The following TLR1 variants were observed in gnomAD, a reference collection of about 807,000 sequenced individuals.
TLR1 encodes toll like receptor 1, also known as toll-like receptor 1.
A neutral mutation model predicts 20.2 loss-of-function variants in TLR1; 19 were observed. The observed-to-expected ratio is 0.94, with a 90% CI of 0.66 to 1.38. TLR1 has a LOEUF of 1.38. TLR1 is among the 40% of genes most tolerant of loss of function. The pLI, the probability that TLR1 is intolerant of heterozygous loss-of-function variation, is 0.00. For synonymous variants in TLR1, 320 were observed against 334.5 expected (o/e 0.96, Z 0.47); for missense variants, 921 against 910.0 (o/e 1.01, Z -0.16).
At chr4:38,790,148 T>C (rs758164210), downstream of TLR1, among the ~76,000 whole-genome samples, 2 of 152,222 alleles carry the variant, frequency 1.3e-5, no homozygotes, top group Admixed American at 6.5e-5. Context: ...GACTTTGAGT[T>C]GTTGCTATCC....
chr4:38,792,501 G>A (rs1302425702), downstream of TLR1, among the ~76,000 whole-genome samples: 4 of 151,864 alleles, frequency 2.6e-5, no homozygotes, highest in South Asian at 2.1e-4. Context: ...CTGCAGCCTC[G>A]AATGCCTGGG....
Position 38,797,793 on chromosome 4 carries a change from T to C in TLR1, c.1039A>G (p.Ile347Val), listed in dbSNP as rs1726234381. Residue 347 changes from isoleucine to valine, a missense_variant, in exon 4 of 4, where the codon ATT becomes GTT. By Grantham distance (29) the Ile-to-Val change is conservative. Coordinates refer to ENST00000308979, the MANE Select transcript of TLR1 (RefSeq NM_003263.4). ...AAATCCAAATGCAGGAACGGGCTAA[T>C]TTTGGATGGGCAAAGCATGTGGACC... is the stretch of plus-strand genomic sequence containing the variant. ...RMVHMLCPSK[I>V]SPFLHLDFSN... 4 of 1,614,160 alleles carry C rather than the reference T, an allele frequency of 2.5e-6. No individual in the cohort carries two copies. The highest frequency in any genetic ancestry group is 3.4e-6 in the Non-Finnish European group (4 of 1,180,002).
chr4:38,791,971 T>C (rs554161280), downstream of TLR1, among the ~76,000 whole-genome samples: 1 of 152,324 alleles, frequency 6.6e-6, no homozygotes, highest in East Asian at 1.9e-4. Flanking sequence ...TTCCCCACTG[T>C]GTCTGCCACC....
chr4:38,798,443 G>T lies in TLR1; in HGVS notation c.389C>A (p.Pro130His). 5.6e-6 allele frequency: 9 copies of T among 1,613,900 alleles called. No individual in the cohort carries two copies. The highest frequency in any genetic ancestry group is 7.6e-6 in the Non-Finnish European group (9 of 1,179,856). The change falls in exon 4 of 4, where the codon CCT becomes CAT. Residue 130 changes from proline to histidine, a missense_variant. Pro to His is a moderately conservative substitution (Grantham distance 77). Coordinates refer to ENST00000308979, the MANE Select transcript of TLR1 (RefSeq NM_003263.4). Reference protein sequence around the residue: ...DLSFNAFDALPICKEFGNMSQ... With the variant: ...DLSFNAFDALHICKEFGNMSQ... ...CATATTGCCAAACTCTTTGCATATA[G>T]GCAGGGCATCAAATGCATTAAATGA...
In TLR1 at chr4:38,802,294, A is replaced by G. The variant is rs373930912; in HGVS notation, c.-159-1346T>C. ...GTCAGTCTCCTAATAGATAGAAAAC[A>G]CACCTGAAGCTGGTGGTTAGCAGAC... On this transcript the variant is annotated intron_variant, in intron 2 of 3. Transcript: ENST00000308979. Among the ~76,000 whole-genome samples, 245 of 152,302 alleles carry G rather than the reference A, an allele frequency of 1.6e-3. 1 individual carries two copies. Among genetic ancestry groups the G allele is most frequent in the African/African-American group, 5.4e-3 (226 of 41,572 alleles).
chr4:38,804,101 G>T lies in TLR1; in HGVS notation c.-160+205C>A, dbSNP rs763130117. On this transcript the variant is annotated intron_variant, in intron 2 of 3. Coordinates refer to ENST00000308979, the MANE Select transcript of TLR1 (RefSeq NM_003263.4). ...GACAGTTCAAGAACTGTTCTGCTTT[G>T]CTTTCTATGCGGTTTTGTGAACTCT... Among the ~76,000 whole-genome samples the T allele has an allele frequency of 6.6e-5, 10 of 152,316 alleles. No individual in the cohort carries two copies. The Middle Eastern group carries it at 0.01, about 155-fold the overall frequency.
chr4:38,801,851 C>G (rs1432293297), intron 2 of TLR1, among the ~76,000 whole-genome samples: 1 of 152,156 alleles, frequency 6.6e-6, no homozygotes, highest in Non-Finnish European at 1.5e-5. Flanking sequence ...GAGAGGGGCC[C>G]CCCAACCAGG....
In TLR1 at chr4:38,796,555, G is replaced by T; in HGVS notation, c.2277C>A (p.Pro759=). The change falls in exon 4 of 4, where the codon CCC becomes CCA. Residue 759 remains proline, a synonymous_variant. Transcript: ENST00000308979. The part of the protein sequence containing the change: ...LMARRTYLEW[P]KEKSKRGLFW... ...AAAGGCCACGTTTGCTCTTTTCCTT[G>T]GGCCATTCCAAATAAGTCCTCCTGG... is the stretch of plus-strand genomic sequence containing the variant. 1 of 1,614,126 alleles carries T rather than the reference G, an allele frequency of 6.2e-7. No individual in the cohort carries two copies. Among genetic ancestry groups the T allele is most frequent in the Admixed American group, 1.7e-5 (1 of 60,020 alleles).
downstream of TLR1, among the ~76,000 whole-genome samples, chr4:38,789,437 G>T (rs1185763969): frequency 1.3e-5 from 2 of 151,994 alleles, no homozygotes; most frequent in Middle Eastern, 3.2e-3. Flanking sequence ...GATTTAAAAA[G>T]AAAGCATTTA....
At chr4:38,798,929 C>A in intron 3 of TLR1, 31 bp from the exon 4 acceptor site, 1 of 1,000,918 alleles carries the variant, frequency 1.0e-6, no homozygotes, top group Non-Finnish European at 1.4e-6. Flanking sequence ...TGATGAAATA[C>A]ATTACATACA....
exon 4 of TLR1, chr4:38,790,863 T>C (rs1397153028): frequency 6.6e-6 from 1 of 152,222 alleles, no homozygotes; most frequent in Non-Finnish European, 1.5e-5. Flanking sequence ...AAGAAACGTC[T>C]GTAACTTCAA....
chr4:38,793,697 G>A (rs1360613285), downstream of TLR1, among the ~76,000 whole-genome samples: 2 of 151,978 alleles, frequency 1.3e-5, no homozygotes, highest in African/African-American at 4.8e-5. Flanking sequence ...TTCCTTTCAG[G>A]GAATTCTTTT....
In TLR1 at chr4:38,796,338, A is replaced by G; in HGVS notation, c.*133T>C. The G allele has an allele frequency of 1.0e-6, 1 of 953,060 alleles. No homozygotes were observed. Among genetic ancestry groups the G allele is most frequent in the Non-Finnish European group, 1.5e-6 (1 of 651,390 alleles). The allele number at this position is 953,060 out of a possible 1,614,324, so 59.0% of individuals were successfully genotyped here. A position where few individuals can be genotyped will look rare whatever the true frequency, so the allele number is the denominator to read the frequency against. On this transcript the variant is annotated 3_prime_UTR_variant, in exon 4 of 4. Coordinates refer to ENST00000308979, the MANE Select transcript of TLR1 (RefSeq NM_003263.4). ...ATATAAATGGTGAACTGCGACCCGA[A>G]GGTATATATTTTTACCTACATCATA... is the stretch of plus-strand genomic sequence containing the variant.
chr4:38,798,856 G>A lies in TLR1; in HGVS notation c.-25C>T, dbSNP rs1163757249. ...TTTTGGAACACTAGACATTCCTAAAGGTAGAAGCTGTTCTTCAGATCATCT... is the reference window on the plus strand; with the variant it reads ...TTTTGGAACACTAGACATTCCTAAAAGTAGAAGCTGTTCTTCAGATCATCT... On this transcript the variant is annotated 5_prime_UTR_variant, in exon 4 of 4. Coordinates refer to ENST00000308979, the MANE Select transcript of TLR1 (RefSeq NM_003263.4). 1.5e-5 allele frequency: 23 copies of A among 1,512,174 alleles called. No homozygotes were observed. Among genetic ancestry groups the A allele is most frequent in the Non-Finnish European group, 1.9e-5 (21 of 1,121,490 alleles). 93.7% of individuals were successfully genotyped at this position (1,512,174 alleles called of 1,614,324 possible). A position where few individuals can be genotyped will look rare whatever the true frequency, so the allele number is the denominator to read the frequency against.
intron 2 of TLR1, among the ~76,000 whole-genome samples, chr4:38,802,327 A>C (rs1726726195): frequency 6.7e-6 from 1 of 149,794 alleles, no homozygotes; most frequent in South Asian, 2.1e-4. Flanking sequence ...GACTCCTGAC[A>C]AACTCTCAGG....
chr4:38,800,952 A>G lies in TLR1; in HGVS notation c.-159-4T>C, dbSNP rs1182461863. 1.3e-5 allele frequency: 2 copies of G among 152,632 alleles called. No individual in the cohort carries two copies. The highest frequency in any genetic ancestry group is 2.9e-5 in the Non-Finnish European group (2 of 68,042). The allele number at this position is 152,632 out of a possible 1,614,324, so 9.5% of individuals were successfully genotyped here. A position where few individuals can be genotyped will look rare whatever the true frequency, so the allele number is the denominator to read the frequency against. Reference sequence around the variant, plus strand: ...CCTATTAGTGTTCATGAAGACCCTGAGCAAGGAAGATGATGCAGACATTAA... The same window carrying G: ...CCTATTAGTGTTCATGAAGACCCTGGGCAAGGAAGATGATGCAGACATTAA... On this transcript the variant is annotated splice_polypyrimidine_tract_variant and splice_region_variant and intron_variant, in intron 2 of 3. Coordinates refer to ENST00000308979, the MANE Select transcript of TLR1 (RefSeq NM_003263.4).
chr4:38,792,123 T>C (rs1725752813), downstream of TLR1, among the ~76,000 whole-genome samples: 1 of 152,164 alleles, frequency 6.6e-6, no homozygotes, highest in Non-Finnish European at 1.5e-5. Flanking sequence ...GGTGAAGGAA[T>C]TCATCTATGG....
chr4:38,798,870 T>C lies in TLR1; in HGVS notation c.-39A>G, dbSNP rs562456616. The C allele has an allele frequency of 7.0e-7, 1 of 1,432,804 alleles. No homozygotes were observed. Among genetic ancestry groups the C allele is most frequent in the African/African-American group, 1.4e-5 (1 of 70,032 alleles). 88.8% of individuals were successfully genotyped at this position (1,432,804 alleles called of 1,614,324 possible). A position where few individuals can be genotyped will look rare whatever the true frequency, so the allele number is the denominator to read the frequency against. On this transcript the variant is annotated 5_prime_UTR_variant, in exon 4 of 4. Coordinates refer to ENST00000308979, the MANE Select transcript of TLR1 (RefSeq NM_003263.4). ...ACATTCCTAAAGGTAGAAGCTGTTC[T>C]TCAGATCATCTTGATACAGATACAG...
intron 2 of TLR1, among the ~76,000 whole-genome samples, chr4:38,802,966 G>A (rs971249206): frequency 9.2e-5 from 14 of 152,142 alleles, no homozygotes; most frequent in African/African-American, 3.4e-4. Flanking sequence ...GAGAGAGAGA[G>A]CCAAAGCTGT....
Sources: allele counts gnomAD v4.1 joint callset (sites outside exome capture counted in the v4.1 genomes callset), GRCh38; gene constraint gnomAD v4.1.1; transcripts MANE v1.5; gene names NCBI Gene and HGNC (gene_info 2026-07-23, HGNC 2026-07-21).